Variants in AXIN2 observed in about 807,000 individuals in gnomAD.
AXIN2 encodes axin 2.
A neutral mutation model predicts 74.7 loss-of-function variants in AXIN2; 21 were observed. That is an observed-to-expected ratio of 0.28 (90% CI 0.20 to 0.40). The LOEUF (loss-of-function observed/expected upper bound fraction) is 0.40, where lower values mean the gene tolerates loss of function less well. AXIN2 is among the 10% of genes least tolerant of loss of function. The pLI, the probability that AXIN2 is intolerant of heterozygous loss-of-function variation, is 1.00. For synonymous variants in AXIN2, 532 were observed against 454.9 expected (o/e 1.17, Z -2.16); for missense variants, 1,144 against 1,111.1 (o/e 1.03, Z -0.42).
Position 65,528,563 on chromosome 17 carries a change from T to C in AXIN2, c.*1413A>G. 1 of 452,352 alleles carries C rather than the reference T, an allele frequency of 2.2e-6. No homozygotes were observed. Among genetic ancestry groups the C allele is most frequent in the South Asian group, 1.8e-5 (1 of 54,328 alleles). The allele number at this position is 452,352 out of a possible 1,614,324, so 28.0% of individuals were successfully genotyped here. On this transcript the variant is annotated 3_prime_UTR_variant, in exon 11 of 11. Transcript: ENST00000307078. The stretch of plus-strand genomic sequence containing the variant: ...TGGGGATTCAAAGACGAGGCCAGTG[T>C]TTTGAAAAATATAAAATTTTAATAA...
intron 8 of AXIN2, among the ~76,000 whole-genome samples, 174 bp downstream of exon 8, chr17:65,536,146 G>A (rs2043910081): frequency 6.6e-6 from 1 of 152,130 alleles, no homozygotes; most frequent in Non-Finnish European, 1.5e-5. Flanking sequence ...ATAACTGAAG[G>A]GAACAATTTC....
In AXIN2 at chr17:65,528,577, A is replaced by C. The variant is rs1419805993; in HGVS notation, c.*1399T>G. On this transcript the variant is annotated 3_prime_UTR_variant, in exon 11 of 11. Transcript: ENST00000307078. The stretch of plus-strand genomic sequence containing the variant: ...CGAGGCCAGTGTTTTGAAAAATATA[A>C]AATTTTAATAAAGGCTACATCTCTT... 2.1e-6 allele frequency: 1 copy of C among 468,184 alleles called. No homozygotes were observed. The highest frequency in any genetic ancestry group is 1.8e-5 in the South Asian group (1 of 56,660). 29.0% of individuals were successfully genotyped at this position (468,184 alleles called of 1,614,324 possible). A position where few individuals can be genotyped will look rare whatever the true frequency, so the allele number is the denominator to read the frequency against.
intron 2 of AXIN2, among the ~76,000 whole-genome samples, chr17:65,552,621 T>C (rs1243370811): frequency 6.6e-6 from 1 of 152,120 alleles, no homozygotes; most frequent in Non-Finnish European, 1.5e-5. Context: ...GAGCAGGCAG[T>C]TGGATCATGG....
At position 65,538,190 on chromosome 17, in the gene AXIN2, T is replaced by G. The variant is rs749323050; in HGVS notation, c.1200+13A>C. 1 of 1,614,142 alleles carries G rather than the reference T, an allele frequency of 6.2e-7. No homozygotes were observed. Among genetic ancestry groups the G allele is most frequent in the Non-Finnish European group, 8.5e-7 (1 of 1,180,034 alleles). ...CGTGGACGGAAGCAGGAAGAAGGCC[T>G]AGGCCGCATTACCTCTCGGATCTGC... On this transcript the variant is annotated intron_variant, in intron 5 of 10. Transcript: ENST00000307078.
At chr17:65,558,807 C>G (rs2044317449) in intron 1 of AXIN2, 71 bp from the exon 2 acceptor site, 1 of 621,360 alleles carries the variant, frequency 1.6e-6, no homozygotes, top group East Asian at 2.9e-5. Flanking sequence ...CCAGATCTAC[C>G]CAACATCAAA....
chr17:65,539,094 G>A (rs1208952250), intron 4 of AXIN2, among the ~76,000 whole-genome samples: 1 of 152,152 alleles, frequency 6.6e-6, no homozygotes, highest in African/African-American at 2.4e-5. Flanking sequence ...AATATAAAAA[G>A]GCACCGAGTA....
chr17:65,542,122 G>A (rs948483609), intron 3 of AXIN2, among the ~76,000 whole-genome samples: 4 of 152,124 alleles, frequency 2.6e-5, no homozygotes, highest in African/African-American at 9.7e-5. Flanking sequence ...CCAGTACAGC[G>A]TGATTAATAA....
At position 65,529,917 on chromosome 17, in the gene AXIN2, C is replaced by A. The variant is rs2043787782; in HGVS notation, c.*59G>T. On this transcript the variant is annotated 3_prime_UTR_variant, in exon 11 of 11. Coordinates refer to ENST00000307078, the MANE Select transcript of AXIN2 (RefSeq NM_004655.4). ...AATGTTTTGTCGCAGTTGCTCACAG[C>A]CAAGACAGTTCACAAGAGCTTCGGG... 5 of 1,612,892 alleles carry A rather than the reference C, an allele frequency of 3.1e-6. No homozygotes were observed. The highest frequency in any genetic ancestry group is 2.7e-5 in the African/African-American group (2 of 75,004).
chr17:65,555,442 G>A (rs1416565842), intron 2 of AXIN2, among the ~76,000 whole-genome samples: 1 of 152,120 alleles, frequency 6.6e-6, no homozygotes, highest in Non-Finnish European at 1.5e-5. Flanking sequence ...TGGGGGTCAG[G>A]GGGCCACTCT....
At chr17:65,549,783 G>C (rs1231938445) in intron 2 of AXIN2, 123 bp from the exon 3 acceptor site, 6 of 1,284,386 alleles carry the variant, frequency 4.7e-6, no homozygotes, top group Non-Finnish European at 5.5e-6. Context: ...CTGCTGCCCA[G>C]GTCCAGTTGC....
rs1359388662 is a variant in AXIN2, at chr17:65,561,561, G to A, written c.-228C>T. 2 of 151,316 alleles carry A rather than the reference G, an allele frequency of 1.3e-5. No individual in the cohort carries two copies. Among genetic ancestry groups the A allele is most frequent in the Admixed American group, 1.3e-4 (2 of 15,146 alleles). 9.4% of individuals were successfully genotyped at this position (151,316 alleles called of 1,614,324 possible). ...CTCTCGGGCTGTTACTGAGTTGCCA[G>A]GACCTTATCAAAGCGCAGCCGGCTC... On this transcript the variant is annotated 5_prime_UTR_variant, in exon 1 of 11. Coordinates refer to ENST00000307078, the MANE Select transcript of AXIN2 (RefSeq NM_004655.4).
Position 65,535,642 on chromosome 17 carries a change from T to C in AXIN2, c.2221A>G (p.Ser741Gly), listed in dbSNP as rs1291289398. Residue 741 changes from serine to glycine, a missense_variant, in exon 9 of 11, where the codon AGC becomes GGC. Physicochemically the swap from Ser to Gly is moderately conservative, Grantham distance 56. This residue lies in a region of AXIN2 where 1,053 missense variants were observed against 973.5 expected (regional missense o/e 1.08). Transcript: ENST00000307078. ...GACACTCACTCTTCTGGAGCCAGGC[T>C]TGGATTGGAGAAGGGTGTGGCTCCC... is the stretch of plus-strand genomic sequence containing the variant. ...QTGATPFSNP[S>G]LAPEDHKEPK... 2.5e-6 allele frequency: 4 copies of C among 1,614,150 alleles called. No individual in the cohort carries two copies. The South Asian group carries it at 3.3e-5, about 13-fold the overall frequency.
chr17:65,529,824 C>A lies in AXIN2; in HGVS notation c.*152G>T, dbSNP rs2043786093. On this transcript the variant is annotated 3_prime_UTR_variant, in exon 11 of 11. Transcript: ENST00000307078. ...TCATGAAAATCAACCTCCCCCCGCCCTCCCGAAGGCCCACTGGCCGATTCT... is the reference window on the plus strand; with the variant it reads ...TCATGAAAATCAACCTCCCCCCGCCATCCCGAAGGCCCACTGGCCGATTCT... 11 of 1,290,952 alleles carry A rather than the reference C, an allele frequency of 8.5e-6. No homozygotes were observed. Among genetic ancestry groups the A allele is most frequent in the Non-Finnish European group, 1.1e-5 (10 of 916,330 alleles). The allele number at this position is 1,290,952 out of a possible 1,614,324, so 80.0% of individuals were successfully genotyped here.
At chr17:65,537,160 A>G in intron 6 of AXIN2, 97 bp from the exon 7 acceptor site, 7 of 1,546,432 alleles carry the variant, frequency 4.5e-6, no homozygotes, top group Non-Finnish European at 6.1e-6. Flanking sequence ...GGCTGGTGAC[A>G]CGAAAGACCC....
At chr17:65,538,155 G>GCGCTCA in intron 5 of AXIN2, 48 bp downstream of exon 5, 1 of 1,613,476 alleles carries the variant, frequency 6.2e-7, no homozygotes, top group Non-Finnish European at 8.5e-7. Context: ...ACACATACGA[G>GCGCTCA]CGCTCACGCC....
rs781309325 is a variant in AXIN2, at chr17:65,535,641, C to T, written c.2222G>A (p.Ser741Asn). 5.6e-6 allele frequency: 9 copies of T among 1,614,056 alleles called. No individual in the cohort carries two copies. The highest frequency in any genetic ancestry group is 7.6e-6 in the Non-Finnish European group (9 of 1,180,028). Residue 741 changes from serine (S) to asparagine (N), a missense_variant, in exon 9 of 11, where the codon AGC (serine) becomes AAC (asparagine). Around this residue, in one of 4 missense-constraint regions of AXIN2, gnomAD observed 1,053 missense variants for 973.5 expected, o/e 1.08. Transcript: ENST00000307078. ...AGACACTCACTCTTCTGGAGCCAGG[C>T]TTGGATTGGAGAAGGGTGTGGCTCC... is the stretch of plus-strand genomic sequence containing the variant. ...QTGATPFSNP[S>N]LAPEDHKEPK...
At position 65,528,859 on chromosome 17, in the gene AXIN2, A is replaced by G; in HGVS notation, c.*1117T>C. On this transcript the variant is annotated 3_prime_UTR_variant, in exon 11 of 11. Coordinates refer to ENST00000307078, the MANE Select transcript of AXIN2 (RefSeq NM_004655.4). ...GTACTGATTTAAAGTCAAGCACTAG[A>G]GATAGTGGATTAATACTCTTTTGCC... The G allele has an allele frequency of 2.5e-6, 1 of 402,084 alleles. No individual in the cohort carries two copies. Among genetic ancestry groups the G allele is most frequent in the Non-Finnish European group, 4.6e-6 (1 of 218,416 alleles). The allele number at this position is 402,084 out of a possible 1,614,324, so 24.9% of individuals were successfully genotyped here. A position where few individuals can be genotyped will look rare whatever the true frequency, so the allele number is the denominator to read the frequency against.
At chr17:65,549,044 A>AC (rs1357476771) in intron 3 of AXIN2, among the ~76,000 whole-genome samples, 2 of 151,994 alleles carry the variant, frequency 1.3e-5, no homozygotes, top group Non-Finnish European at 2.9e-5. Context: ...TGGCTTTCTC[A>AC]CCCCCACTTG....
intron 10 of AXIN2, among the ~76,000 whole-genome samples, chr17:65,530,773 T>C (rs1335266112): frequency 1.3e-5 from 2 of 152,160 alleles, no homozygotes; most frequent in Non-Finnish European, 2.9e-5. Context: ...CTTCTCCCCA[T>C]TTCCAGGCCT....
Sources: gnomAD v4.1 joint callset for allele counts (sites outside exome capture counted in the v4.1 genomes callset) on GRCh38, gnomAD v4.1.1 for gene constraint, gnomAD v4.1.1 regional missense constraint, MANE v1.5 for transcripts, NCBI Gene and HGNC (gene_info 2026-07-23, HGNC 2026-07-21) for gene names.